The following MED11 variants were observed in gnomAD, a reference collection of about 807,000 sequenced individuals.
MED11 encodes mediator of RNA polymerase II transcription subunit 11.
Under a neutral mutation model 13.9 loss-of-function variants are expected in MED11, and 19 were observed. The observed-to-expected ratio is 1.36, with a 90% confidence interval of 0.95 to 2.00. The LOEUF (loss-of-function observed/expected upper bound fraction) is 2.00. Ranked by LOEUF, MED11 falls within the 30% of genes most tolerant of loss-of-function variation. The probability of loss-of-function intolerance (pLI) is 0.00; values close to 1 mark genes in which losing one functional copy is unlikely to be tolerated. For synonymous variants in MED11, 67 were observed against 62.1 expected, an observed-to-expected ratio of 1.08 and a Z score of -0.37; for missense variants, 134 against 150.2, an observed-to-expected ratio of 0.89 and a Z score of 0.56.
In MED11 at chr17:4,733,319, C is replaced by A; in HGVS notation, c.*132C>A. ...GTCAAAGTACCCTAGGACAAAGGGG[C>A]AAATGGTGGGCATGGAAAAACTGAA... On this transcript the variant is annotated 3_prime_UTR_variant, in exon 3 of 3. Coordinates refer to ENST00000293777, the MANE Select transcript of MED11 (RefSeq NM_001001683.4). 8.5e-7 allele frequency: 1 copy of A among 1,170,382 alleles called. No homozygotes were observed. Among genetic ancestry groups the A allele is most frequent in the Non-Finnish European group, 1.2e-6 (1 of 846,044 alleles). The allele number at this position is 1,170,382 out of a possible 1,614,324, so 72.5% of individuals were successfully genotyped here.
Position 4,731,451 on chromosome 17 carries a change from T to G in MED11, c.-39T>G, listed in dbSNP as rs779505370. ...CCACTTCCGGAACAAGCGTCGCGTT[T>G]CTGAGGAGAAACTCTTGGTGAGAAT... On this transcript the variant is annotated 5_prime_UTR_variant, in exon 1 of 3. Transcript: ENST00000293777. 34 of 1,604,452 alleles carry G rather than the reference T, an allele frequency of 2.1e-5. No individual in the cohort carries two copies. The highest frequency in any genetic ancestry group is 4.3e-6 in the Non-Finnish European group (5 of 1,172,262).
In MED11 at chr17:4,731,551, T is replaced by C; in HGVS notation, c.62T>C (p.Ile21Thr). ...GCTCTGGAAGACATTGAACGGGAAA[T>C]CGGCGCCATCCTTCAGAATGCAGGT... is the stretch of plus-strand genomic sequence containing the variant. ...LRALEDIERE[I>T]GAILQNAGTV... The change falls in exon 1 of 3, where the codon ATC becomes ACC. Residue 21 changes from isoleucine to threonine, a missense_variant. Ile to Thr is a moderately conservative substitution (Grantham distance 89). Coordinates refer to ENST00000293777, the MANE Select transcript of MED11 (RefSeq NM_001001683.4). 6.2e-7 allele frequency: 1 copy of C among 1,614,010 alleles called. No individual in the cohort carries two copies. Among genetic ancestry groups the C allele is most frequent in the Non-Finnish European group, 8.5e-7 (1 of 1,179,996 alleles).
rs1192758813 is a variant in MED11 at position 4,731,484 on chromosome 17, G to A, written c.-6G>A. 6.2e-7 allele frequency: 1 copy of A among 1,613,906 alleles called. No individual in the cohort carries two copies. Among genetic ancestry groups the A allele is most frequent in the African/African-American group, 1.3e-5 (1 of 74,918 alleles). On this transcript the variant is annotated 5_prime_UTR_variant, in exon 1 of 3. The change creates a new upstream start codon in the 5' untranslated region. Coordinates refer to ENST00000293777, the MANE Select transcript of MED11 (RefSeq NM_001001683.4). ...GAAACTCTTGGTGAGAATTCCCAGAGTGATAATGGCTACCTACAGCCTGGC... is the reference window on the plus strand; with the variant it reads ...GAAACTCTTGGTGAGAATTCCCAGAATGATAATGGCTACCTACAGCCTGGC...
chr17:4,731,689 C>T (rs1567693010), intron 1 of MED11, 87 bp from the exon 2 acceptor site: 1 of 1,605,590 alleles, frequency 6.2e-7, no homozygotes, highest in Non-Finnish European at 8.5e-7. Context: ...GCGTGCGCAG[C>T]GAAAGGGCGG....
At chr17:4,732,978 T>C (rs1916032546) in intron 2 of MED11, 72 bp from the exon 3 acceptor site, 1 of 1,532,118 alleles carries the variant, frequency 6.5e-7, no homozygotes, top group East Asian at 2.3e-5. Context: ...AGGGAAGAAA[T>C]GAGACGAGAC....
At chr17:4,731,672 C>G (rs757967923) in intron 1 of MED11, 98 bp downstream of exon 1, 81 of 1,606,618 alleles carry the variant, frequency 5.0e-5, no homozygotes, top group Non-Finnish European at 6.5e-5. Flanking sequence ...GGGAGGGAAT[C>G]CTACGTGCGT....
chr17:4,733,234 C>T lies in MED11; in HGVS notation c.*47C>T. ...CTGAGAGGGAGACCATCACCTGTGC[C>T]ATGGGACAGAACCTGGGAACATGTA... On this transcript the variant is annotated 3_prime_UTR_variant, in exon 3 of 3. Coordinates refer to ENST00000293777, the MANE Select transcript of MED11 (RefSeq NM_001001683.4). The T allele has an allele frequency of 6.2e-7, 1 of 1,610,614 alleles. No individual in the cohort carries two copies. The highest frequency in any genetic ancestry group is 8.5e-7 in the Non-Finnish European group (1 of 1,178,192).
rs770680332 is a variant in MED11 at position 4,731,567 on chromosome 17, G to A, written c.78G>A (p.Gln26=). ...AACGGGAAATCGGCGCCATCCTTCA[G>A]AATGCAGGTTCGGGATGCGACAACC... The part of the protein sequence containing the change: ...DIEREIGAIL[Q]NAGTVILELS... Residue 26 remains glutamine (Q), a synonymous_variant, in exon 1 of 3, where the codon CAG becomes CAA. Transcript: ENST00000293777. 3 of 1,614,232 alleles carry A rather than the reference G, an allele frequency of 1.9e-6. No individual in the cohort carries two copies. The South Asian group carries it at 3.3e-5, about 18-fold the overall frequency.
In MED11 at chr17:4,733,184, C is replaced by A. The variant is rs1445844496; in HGVS notation, c.351C>A (p.Asn117Lys). 6.2e-7 allele frequency: 1 copy of A among 1,614,144 alleles called. No individual in the cohort carries two copies. The highest frequency in any genetic ancestry group is 1.3e-5 in the African/African-American group (1 of 75,046). Residue 117 changes from asparagine to lysine, a missense_variant, in exon 3 of 3, where the codon AAC (asparagine) becomes AAA (lysine). Asn to Lys is a moderately conservative substitution (Grantham distance 94). Coordinates refer to ENST00000293777, the MANE Select transcript of MED11 (RefSeq NM_001001683.4). The stretch of plus-strand genomic sequence containing the variant: ...GAACCTGTGAGCAGATGCTGGAGAA[C>A]TAGGCCAGGGAGATGGACCCAGAGC... The part of the protein sequence containing the change: ...VARTCEQMLE[N>K]
intron 2 of MED11, 51 bp downstream of exon 2, chr17:4,731,957 C>T (rs774785043): frequency 6.3e-7 from 1 of 1,592,976 alleles, no homozygotes; most frequent in Non-Finnish European, 8.6e-7. Context: ...TGGGTCAAAG[C>T]CTCAGGCTTG....
chr17:4,732,995 C>G (rs1397456545), intron 2 of MED11, 55 bp from the exon 3 acceptor site: 4 of 1,579,388 alleles, frequency 2.5e-6, no homozygotes, highest in Non-Finnish European at 3.5e-6. Flanking sequence ...AGACCTGATG[C>G]CTGGTTGGAG....
At chr17:4,732,420 C>CAAACAAAAAAA (rs1916011385) in intron 2 of MED11, 2 of 58,970 alleles carry the variant, frequency 3.4e-5, no homozygotes, top group Non-Finnish European at 6.3e-5. Flanking sequence ...AAGACTGTCT[C>CAAACAAAAAAA]AAAAAAAAAA....
rs763395395 is a variant in MED11, at chr17:4,731,794, T to A, written c.104T>A (p.Leu35Ter). The A allele has an allele frequency of 4.3e-6, 7 of 1,613,960 alleles. No homozygotes were observed. The highest frequency in any genetic ancestry group is 5.9e-6 in the Non-Finnish European group (7 of 1,180,004). Reference sequence around the variant, plus strand: ...CTGGCAGGTACTGTGATCCTAGAATTGTCCAAGGAAAAAACTAACGAGCGG... The same window carrying A: ...CTGGCAGGTACTGTGATCCTAGAATAGTCCAAGGAAAAAACTAACGAGCGG... ...LQNAGTVILE[L>*]SKEKTNERLL... is the part of the protein sequence containing the mutation. Residue 35 changes from leucine to a stop codon, truncating the protein, a stop_gained, in exon 2 of 3, where the codon TTG becomes TAG. Transcript: ENST00000293777. LOFTEE classifies it high-confidence loss of function.
chr17:4,733,256 T>C lies in MED11; in HGVS notation c.*69T>C. 6.3e-7 allele frequency: 1 copy of C among 1,590,256 alleles called. No individual in the cohort carries two copies. Among genetic ancestry groups the C allele is most frequent in the Non-Finnish European group, 8.6e-7 (1 of 1,165,022 alleles). On this transcript the variant is annotated 3_prime_UTR_variant, in exon 3 of 3. Transcript: ENST00000293777. ...TGCCATGGGACAGAACCTGGGAACA[T>C]GTAGGGTGGGGAGTATGAGCACCAA...
chr17:4,732,745 C>G (rs768899969), intron 2 of MED11, among the ~76,000 whole-genome samples: 11 of 152,096 alleles, frequency 7.2e-5, no homozygotes, highest in Non-Finnish European at 1.2e-4. Flanking sequence ...GTCCCAAATC[C>G]TTATATCCTG....
rs750930921 is a variant in MED11 at position 4,731,516 on chromosome 17, G to A, written c.27G>A (p.Glu9=). ...TGGCTACCTACAGCCTGGCGAACGAGAGACTACGCGCTCTGGAAGACATTG... is the reference window on the plus strand; with the variant it reads ...TGGCTACCTACAGCCTGGCGAACGAAAGACTACGCGCTCTGGAAGACATTG... MATYSLAN[E]RLRALEDIER... The change falls in exon 1 of 3, where the codon GAG becomes GAA. Residue 9 remains glutamate (E), a synonymous_variant. Transcript: ENST00000293777. 6.2e-7 allele frequency: 1 copy of A among 1,614,186 alleles called. No homozygotes were observed. Among genetic ancestry groups the A allele is most frequent in the East Asian group, 2.2e-5 (1 of 44,874 alleles).
At chr17:4,732,939 C>A (rs560365834) in intron 2 of MED11, 111 bp from the exon 3 acceptor site, 2 of 1,234,426 alleles carry the variant, frequency 1.6e-6, no homozygotes, top group African/African-American at 3.0e-5. Flanking sequence ...ATTTACCCAG[C>A]TACCAGATGG....
Position 4,733,048 on chromosome 17 carries a change from A to G in MED11, c.217-2A>G. Reference sequence around the variant, plus strand: ...GTGCTCCATTGATAGTCTGTCTTGTAGGTGGCCACAGGGCAGCCCCATGAG... The same window carrying G: ...GTGCTCCATTGATAGTCTGTCTTGTGGGTGGCCACAGGGCAGCCCCATGAG... On this transcript the variant is annotated splice_acceptor_variant, in intron 2 of 2. Transcript: ENST00000293777. LOFTEE classifies it high-confidence loss of function. The G allele has an allele frequency of 6.2e-7, 1 of 1,614,092 alleles. No individual in the cohort carries two copies. Among genetic ancestry groups the G allele is most frequent in the Non-Finnish European group, 8.5e-7 (1 of 1,179,982 alleles).
rs1915975644 is a variant in MED11, at chr17:4,731,547, G to T, written c.58G>T (p.Glu20Ter). 6.2e-7 allele frequency: 1 copy of T among 1,614,096 alleles called. No individual in the cohort carries two copies. The highest frequency in any genetic ancestry group is 1.1e-5 in the South Asian group (1 of 91,094). The change falls in exon 1 of 3, where the codon GAA becomes TAA. Residue 20 changes from glutamate (E) to a stop codon, truncating the protein, a stop_gained. Coordinates refer to ENST00000293777, the MANE Select transcript of MED11 (RefSeq NM_001001683.4). LOFTEE classifies it high-confidence loss of function. ...RLRALEDIER[E>*]IGAILQNAGT... ...ACGCGCTCTGGAAGACATTGAACGG[G>T]AAATCGGCGCCATCCTTCAGAATGC...
Sources: allele counts gnomAD v4.1 joint callset (sites outside exome capture counted in the v4.1 genomes callset), GRCh38; gene constraint gnomAD v4.1.1; transcripts MANE v1.5; gene names NCBI Gene and HGNC (gene_info 2026-07-23, HGNC 2026-07-21).